RARG: variants seen among roughly 807,000 people sequenced by gnomAD.
RARG encodes RAR-gamma.
Under a neutral mutation model 43.7 loss-of-function variants are expected in RARG, and 17 were observed. The ratio of observed to expected loss-of-function variants is 0.39; its 90% CI spans 0.27 to 0.58. The LOEUF (loss-of-function observed/expected upper bound fraction) is 0.58, where lower values mean the gene tolerates loss of function less well. RARG is among the 20% of genes least tolerant of loss of function. The probability of loss-of-function intolerance (pLI) is 0.57; values close to 1 mark genes in which losing one functional copy is unlikely to be tolerated. For synonymous variants in RARG, 238 were observed against 236.4 expected (o/e 1.01, Z -0.06); for missense variants, 346 against 598.7 (o/e 0.58, Z 4.40).
At chr12:53,226,416 C>T (rs1453981916) in intron 3 of RARG, among the ~76,000 whole-genome samples, 2 of 152,180 alleles carry the variant, frequency 1.3e-5, no homozygotes, top group African/African-American at 4.8e-5. Flanking sequence ...CAACCTCTGC[C>T]TCCCAGGTTC....
chr12:53,217,516 TG>T (rs1423293133), intron 3 of RARG, among the ~76,000 whole-genome samples: 1 of 152,192 alleles, frequency 6.6e-6, no homozygotes, highest in Non-Finnish European at 1.5e-5. Flanking sequence ...ATTATAAGAC[TG>T]GGGGCCTTAG....
At chr12:53,212,261 A>T (rs1942612442) in intron 9 of RARG, among the ~76,000 whole-genome samples, 1 of 152,256 alleles carries the variant, frequency 6.6e-6, no homozygotes, top group East Asian at 1.9e-4. Flanking sequence ...TGTTCCAGAC[A>T]TCCTTCTAAG....
intron 3 of RARG, among the ~76,000 whole-genome samples, chr12:53,225,207 C>G (rs1183362002): frequency 6.6e-6 from 1 of 152,208 alleles, no homozygotes; most frequent in Non-Finnish European, 1.5e-5. Flanking sequence ...AAAAAGGGTA[C>G]TTTGTGCTGT....
chr12:53,222,297 AAGAGAGAG>A (rs111937808), intron 3 of RARG, among the ~76,000 whole-genome samples: 35 of 150,408 alleles, frequency 2.3e-4, no homozygotes, highest in African/African-American at 7.8e-4. Flanking sequence ...AGGAGAAAGA[AAGAGAGAG>A]AGAGAGAGAG....
chr12:53,227,556 G>C lies in RARG; in HGVS notation c.-11C>G, dbSNP rs1277931399. 2 of 1,556,880 alleles carry C rather than the reference G, an allele frequency of 1.3e-6. No homozygotes were observed. The highest frequency in any genetic ancestry group is 1.7e-6 in the Non-Finnish European group (2 of 1,151,684). On this transcript the variant is annotated 5_prime_UTR_variant, in exon 3 of 10. Coordinates refer to ENST00000425354, the MANE Select transcript of RARG (RefSeq NM_000966.6). This position sits in a 1 kb window ranked among gnomAD's most constrained non-coding sequence, Gnocchi z 4.3. The stretch of plus-strand genomic sequence containing the variant: ...CTTATTGGTGGCCATGGCAGCTGCG[G>C]TGTGAGAGTCCCCTGGGGTCTGCAG...
chr12:53,222,408 G>A (rs1942999708), intron 3 of RARG, among the ~76,000 whole-genome samples: 1 of 152,212 alleles, frequency 6.6e-6, no homozygotes, highest in East Asian at 1.9e-4. Flanking sequence ...AAAACAAGAG[G>A]GAAAGAGCCT....
At position 53,229,879 on chromosome 12, in the gene RARG, C is replaced by G; in HGVS notation, c.-143+1290G>C. On this transcript the variant is annotated intron_variant, in intron 2 of 9. Coordinates refer to ENST00000425354, the MANE Select transcript of RARG (RefSeq NM_000966.6). ...CAGGCAGGTAGGGCAGTGGGGGTCC[C>G]CACAGAGGGATGCTCAGCTCCTGAT... 5 of 899,430 alleles carry G rather than the reference C, an allele frequency of 5.6e-6. No homozygotes were observed. The South Asian group carries it at 2.6e-4, about 46-fold the overall frequency. The allele number at this position is 899,430 out of a possible 1,614,324, so 55.7% of individuals were successfully genotyped here.
chr12:53,220,520 T>G, intron 3 of RARG: 1 of 355,124 alleles, frequency 2.8e-6, no homozygotes, highest in Non-Finnish European at 5.1e-6. Flanking sequence ...TAGACACACA[T>G]CCGTGCATGC....
intron 2 of RARG, among the ~76,000 whole-genome samples, chr12:53,230,931 A>T (rs1342127508): frequency 4.1e-5 from 6 of 144,658 alleles, no homozygotes; most frequent in Non-Finnish European, 7.6e-5. Flanking sequence ...TGCACACACT[A>T]CCCCCACTCC....
chr12:53,229,897 C>A, intron 2 of RARG: 1 of 927,118 alleles, frequency 1.1e-6, no homozygotes, highest in Non-Finnish European at 1.3e-6. Flanking sequence ...GGATGCTCAG[C>A]TCCTGATCCT....
chr12:53,211,273 T>C lies in RARG; in HGVS notation c.*403A>G, dbSNP rs1046244617. The C allele has an allele frequency of 1.2e-5, 2 of 162,084 alleles. No individual in the cohort carries two copies. Among genetic ancestry groups the C allele is most frequent in the African/African-American group, 4.8e-5 (2 of 41,838 alleles). The allele number at this position is 162,084 out of a possible 1,614,324, so 10.0% of individuals were successfully genotyped here. On this transcript the variant is annotated 3_prime_UTR_variant, in exon 10 of 10. Coordinates refer to ENST00000425354, the MANE Select transcript of RARG (RefSeq NM_000966.6). The surrounding 1 kb of genome is among the most constrained non-coding windows in gnomAD (Gnocchi z 4.6). ...AGCAAGAAGGTGGGCTCAGCCCTTC[T>C]CCTTTGTCCCCTTTTTGGTCTCTAG...
Position 53,215,595 on chromosome 12 carries a change from C to A in RARG, c.333+51G>T. ...AGCATCTGTGTGCCTGGTCTCTCATCTTACTAGGGTAACTGGATCCCCCGT... is the reference window on the plus strand; with the variant it reads ...AGCATCTGTGTGCCTGGTCTCTCATATTACTAGGGTAACTGGATCCCCCGT... On this transcript the variant is annotated intron_variant, in intron 4 of 9. Transcript: ENST00000425354. This position sits in a 1 kb window ranked among gnomAD's most constrained non-coding sequence, Gnocchi z 6.4. The A allele has an allele frequency of 6.3e-6, 10 of 1,592,138 alleles. No homozygotes were observed. Among genetic ancestry groups the A allele is most frequent in the Non-Finnish European group, 7.7e-6 (9 of 1,166,738 alleles).
rs892550415 is a variant in RARG at position 53,214,240 on chromosome 12, A to G, written c.637-5T>C. On this transcript the variant is annotated splice_polypyrimidine_tract_variant and splice_region_variant and intron_variant, in intron 6 of 9. Coordinates refer to ENST00000425354, the MANE Select transcript of RARG (RefSeq NM_000966.6). The stretch of plus-strand genomic sequence containing the variant: ...GCGGTGGTCTGCACTGGAGTTCTGC[A>G]GAGGGGAGGGGTAGAAGGTTGGAAG... 1 of 1,611,646 alleles carries G rather than the reference A, an allele frequency of 6.2e-7. No homozygotes were observed. The highest frequency in any genetic ancestry group is 8.5e-7 in the Non-Finnish European group (1 of 1,177,896).
At chr12:53,222,600 A>G (rs188801598) in intron 3 of RARG, among the ~76,000 whole-genome samples, 7 of 152,274 alleles carry the variant, frequency 4.6e-5, no homozygotes, top group South Asian at 2.1e-4. Flanking sequence ...TGAGTCCTCA[A>G]TAGCCCCCGT....
intron 3 of RARG, among the ~76,000 whole-genome samples, chr12:53,223,617 G>A (rs2120711357): frequency 6.6e-6 from 1 of 152,170 alleles, no homozygotes; most frequent in South Asian, 2.1e-4. Context: ...AGAGACCGGG[G>A]AGGGGAGGGG....
intron 2 of RARG, among the ~76,000 whole-genome samples, chr12:53,229,441 G>A (rs995052522): frequency 3.3e-5 from 5 of 152,012 alleles, no homozygotes; most frequent in Non-Finnish European, 5.9e-5. Context: ...AGACCCCAAC[G>A]CCATCACATT....
At chr12:53,231,006 G>T (rs1943224260) in intron 2 of RARG, among the ~76,000 whole-genome samples, 163 bp downstream of exon 2, 1 of 152,068 alleles carries the variant, frequency 6.6e-6, no homozygotes. Context: ...CCCCAACTCA[G>T]CATCTGACCC....
intron 3 of RARG, among the ~76,000 whole-genome samples, chr12:53,225,945 G>GCTTCTGGAACACCCCCTCTGCCTCT (rs1284940557): frequency 6.6e-6 from 1 of 152,224 alleles, no homozygotes; most frequent in Non-Finnish European, 1.5e-5. Flanking sequence ...AGGAGAGGAT[G>GCTTCTGGAACACCCCCTCTGCCTCT]CTTCTGGAAC....
At chr12:53,216,330 G>C (rs1218304430) in intron 3 of RARG, among the ~76,000 whole-genome samples, 2 of 152,168 alleles carry the variant, frequency 1.3e-5, no homozygotes, top group Non-Finnish European at 2.9e-5. Flanking sequence ...ATGCTTAGCA[G>C]GTAAACCAGG....
Sources: allele counts gnomAD v4.1 joint callset (sites outside exome capture counted in the v4.1 genomes callset), GRCh38; gene constraint gnomAD v4.1.1; non-coding constraint Gnocchi (gnomAD v3.1); transcripts MANE v1.5; gene names NCBI Gene and HGNC (gene_info 2026-07-23, HGNC 2026-07-21).